Variants in GRAMD1B observed in about 807,000 individuals in gnomAD.
The protein encoded by GRAMD1B is GRAM domain containing 1B, also known as protein Aster-B.
In GRAMD1B, 37 loss-of-function variants were observed where a neutral mutation model predicts 99.7. That is an observed-to-expected ratio of 0.37 (90% CI 0.29 to 0.49). The LOEUF is 0.49. Ranked by LOEUF, GRAMD1B falls within the 20% of genes least tolerant of loss-of-function variation. The pLI is 0.98. For missense variants in GRAMD1B, 888 were observed against 1,009.2 expected, an observed-to-expected ratio of 0.88 and a Z score of 1.63; for synonymous variants, 427 against 387.6, an observed-to-expected ratio of 1.10 and a Z score of -1.19.
At chr11:123,395,458 T>TAAC (rs769239736) in intron 1 of GRAMD1B, among the ~76,000 whole-genome samples, 24 of 151,944 alleles carry the variant, frequency 1.6e-4, no homozygotes, top group African/African-American at 2.2e-4. Context: ...CTGCCCTCAT[T>TAAC]AACAACAACA....
At chr11:123,451,465 T>G (rs1410411044) in intron 1 of GRAMD1B, among the ~76,000 whole-genome samples, 1 of 152,222 alleles carries the variant, frequency 6.6e-6, no homozygotes, top group Non-Finnish European at 1.5e-5. Flanking sequence ...CTTTCTTTGT[T>G]GTACCATACG....
At chr11:123,378,419 T>C (rs1488352237) in intron 1 of GRAMD1B, among the ~76,000 whole-genome samples, 1 of 152,220 alleles carries the variant, frequency 6.6e-6, no homozygotes, top group Non-Finnish European at 1.5e-5. Flanking sequence ...CTACTAGTTC[T>C]GAAGTCCAGT....
chr11:123,391,620 C>T (rs1236115107), intron 1 of GRAMD1B, among the ~76,000 whole-genome samples: 1 of 152,138 alleles, frequency 6.6e-6, no homozygotes, highest in Non-Finnish European at 1.5e-5. Context: ...GCACGCCTGG[C>T]TAATTTTTGT....
chr11:123,490,094 G>A (rs981369444), intron 2 of GRAMD1B, among the ~76,000 whole-genome samples: 3 of 152,190 alleles, frequency 2.0e-5, no homozygotes, highest in African/African-American at 7.2e-5. Flanking sequence ...CTATGTACTG[G>A]GATTTCCAGT....
At chr11:123,462,891 TAAAAAA>T (rs1022451957) in intron 1 of GRAMD1B, among the ~76,000 whole-genome samples, 1 of 111,414 alleles carries the variant, frequency 9.0e-6, no homozygotes, top group Non-Finnish European at 2.0e-5. Flanking sequence ...AAAAATAAAT[TAAAAAA>T]AAAAAAAAAA....
intron 2 of GRAMD1B, among the ~76,000 whole-genome samples, chr11:123,528,154 C>T (rs1258481532): frequency 6.6e-6 from 1 of 152,040 alleles, no homozygotes; most frequent in East Asian, 1.9e-4. Context: ...AACTGGTACT[C>T]CCTACTCTCT....
intron 2 of GRAMD1B, among the ~76,000 whole-genome samples, chr11:123,529,158 T>C (rs974694627): frequency 1.6e-5 from 2 of 126,856 alleles, no homozygotes; most frequent in Non-Finnish European, 3.6e-5. Context: ...GGAAGGAGGC[T>C]CTCTCACACC....
At chr11:123,499,186 G>A (rs1466718691) in intron 2 of GRAMD1B, among the ~76,000 whole-genome samples, 1 of 152,136 alleles carries the variant, frequency 6.6e-6, no homozygotes, top group Admixed American at 6.5e-5. Flanking sequence ...TCATCAGGGT[G>A]GAGCCCCCAT....
At chr11:123,433,270 C>T (rs1444022369) in intron 1 of GRAMD1B, among the ~76,000 whole-genome samples, 2 of 151,826 alleles carry the variant, frequency 1.3e-5, no homozygotes, top group South Asian at 2.1e-4. Context: ...CCCAGCTACT[C>T]GGGAGGCCAA....
At chr11:123,548,764 C>T (rs1307307358) in intron 2 of GRAMD1B, among the ~76,000 whole-genome samples, 1 of 152,078 alleles carries the variant, frequency 6.6e-6, no homozygotes, top group African/African-American at 2.4e-5. Context: ...TGTGTCACCA[C>T]ATCTGGCTGA....
chr11:123,501,153 TTTTG>T (rs1420839607), intron 2 of GRAMD1B, among the ~76,000 whole-genome samples: 4 of 152,022 alleles, frequency 2.6e-5, no homozygotes, highest in Non-Finnish European at 5.9e-5. Context: ...TCAAGTTCTT[TTTTG>T]TTTGTTTATT....
Position 123,536,520 on chromosome 11 carries a change from G to A in GRAMD1B, c.453-40847G>A, listed in dbSNP as rs138316139. On this transcript the variant is annotated intron_variant, in intron 2 of 19. Coordinates refer to ENST00000635736, the MANE Select transcript of GRAMD1B (RefSeq NM_001387025.1). ...CTGTCAGGATTCAATGAAATAATTC[G>A]TGTTGATGCTCTTGGGATGGGGCCT... Among the ~76,000 whole-genome samples, 271 of 152,274 alleles carry A rather than the reference G, an allele frequency of 1.8e-3. 1 individual carries two copies. Among genetic ancestry groups the A allele is most frequent in the African/African-American group, 6.2e-3 (259 of 41,560 alleles).
chr11:123,622,668 A>AT lies in GRAMD1B; in HGVS notation c.*73_*74insT. On this transcript the variant is annotated 3_prime_UTR_variant, in exon 20 of 20. Coordinates refer to ENST00000635736, the MANE Select transcript of GRAMD1B (RefSeq NM_001387025.1). ...ATAGACCATATAAATATATATATAT[A>AT]AATATATATATATACAGAATATAAA... is the stretch of plus-strand genomic sequence containing the variant. The AT allele has an allele frequency of 1.4e-5, 5 of 349,416 alleles. No homozygotes were observed. Among genetic ancestry groups the AT allele is most frequent in the South Asian group, 1.1e-4 (2 of 17,506 alleles). The allele number at this position is 349,416 out of a possible 1,614,324, so 21.6% of individuals were successfully genotyped here. A position where few individuals can be genotyped will look rare whatever the true frequency, so the allele number is the denominator to read the frequency against.
chr11:123,602,764 C>T (rs1952144823), intron 8 of GRAMD1B, among the ~76,000 whole-genome samples: 3 of 152,168 alleles, frequency 2.0e-5, no homozygotes, highest in Non-Finnish European at 2.9e-5. Flanking sequence ...AATAAGAAAA[C>T]ACTGGAACTA....
chr11:123,542,071 C>A (rs1020060428), intron 2 of GRAMD1B, among the ~76,000 whole-genome samples: 28 of 152,324 alleles, frequency 1.8e-4, no homozygotes, highest in South Asian at 4.1e-4. Context: ...TTTCTAAAAT[C>A]AGCCACTTTA....
At chr11:123,598,774 G>T in intron 7 of GRAMD1B, 2 of 948,052 alleles carry the variant, frequency 2.1e-6, no homozygotes, top group Non-Finnish European at 3.5e-6. Context: ...GGCCATCCAG[G>T]AAAGATCCCA....
At chr11:123,515,677 A>C (rs1295682592) in intron 2 of GRAMD1B, among the ~76,000 whole-genome samples, 1 of 152,208 alleles carries the variant, frequency 6.6e-6, no homozygotes, top group Non-Finnish European at 1.5e-5. Context: ...GCTAGCAACT[A>C]AACTGAAACA....
chr11:123,559,621 GAAAA>G, intron 2 of GRAMD1B: 1 of 859,534 alleles, frequency 1.2e-6, no homozygotes, highest in African/African-American at 1.9e-5. Flanking sequence ...AATGGACAGA[GAAAA>G]AAAAAACACT....
intron 1 of GRAMD1B, among the ~76,000 whole-genome samples, chr11:123,416,112 TAC>T (rs1948225629): frequency 6.6e-6 from 1 of 152,218 alleles, no homozygotes; most frequent in Non-Finnish European, 1.5e-5. Flanking sequence ...GCATGCTGAA[TAC>T]AGTTAGTCTT....
Sources: gnomAD v4.1 joint callset for allele counts (sites outside exome capture counted in the v4.1 genomes callset) on GRCh38, gnomAD v4.1.1 for gene constraint, MANE v1.5 for transcripts, NCBI Gene and HGNC (gene_info 2026-07-23, HGNC 2026-07-21) for gene names.